Variants in RNF13 observed in about 807,000 individuals in gnomAD.
RNF13 encodes E3 ubiquitin-protein ligase RNF13.
Under a neutral mutation model 37.7 loss-of-function variants are expected in RNF13, and 19 were observed. The observed-to-expected ratio is 0.50, with a 90% CI of 0.35 to 0.74. The LOEUF (loss-of-function observed/expected upper bound fraction) is 0.74, where lower values mean the gene tolerates loss of function less well. RNF13 is among the 30% of genes least tolerant of loss of function. RNF13 has a pLI of 0.01. For synonymous variants in RNF13, 144 were observed against 157.8 expected (o/e 0.91, Z 0.65); for missense variants, 375 against 453.0 (o/e 0.83, Z 1.56).
intron 3 of RNF13, among the ~76,000 whole-genome samples, chr3:149,856,337 G>T (rs1463559924): frequency 1.3e-5 from 2 of 151,836 alleles, no homozygotes; most frequent in East Asian, 1.9e-4. Context: ...ATGAAGTGAG[G>T]TAGCTCACTA....
intron 8 of RNF13, among the ~76,000 whole-genome samples, chr3:149,933,735 G>A (rs1027684792): frequency 6.6e-6 from 1 of 151,266 alleles, no homozygotes; most frequent in Non-Finnish European, 1.5e-5. Flanking sequence ...AGGTACCCAC[G>A]ACCACGCCTG....
intron 8 of RNF13, among the ~76,000 whole-genome samples, chr3:149,948,229 G>A (rs1720967316): frequency 6.6e-6 from 1 of 152,182 alleles, no homozygotes; most frequent in South Asian, 2.1e-4. Flanking sequence ...CATTACAGGT[G>A]TGAGCCACCG....
At chr3:149,847,306 A>T (rs1722738386) in intron 2 of RNF13, among the ~76,000 whole-genome samples, 1 of 152,046 alleles carries the variant, frequency 6.6e-6, no homozygotes, top group African/African-American at 2.4e-5. Context: ...ACATGCCTAT[A>T]CTCTAGGTCT....
At chr3:149,907,962 C>CA (rs1716603475) in intron 6 of RNF13, among the ~76,000 whole-genome samples, 1 of 152,126 alleles carries the variant, frequency 6.6e-6, no homozygotes, top group East Asian at 1.9e-4. Context: ...GTTATGTTTC[C>CA]ACCAACATTT....
intron 4 of RNF13, among the ~76,000 whole-genome samples, chr3:149,884,670 G>T (rs1003411032): frequency 6.6e-6 from 1 of 151,784 alleles, no homozygotes; most frequent in Non-Finnish European, 1.5e-5. Flanking sequence ...GACATTTTTT[G>T]ATACAAACAT....
chr3:149,960,804 G>C lies in RNF13; in HGVS notation c.846G>C (p.Lys282Asn), dbSNP rs1347763481. 6.2e-7 allele frequency: 1 copy of C among 1,614,162 alleles called. No individual in the cohort carries two copies. Among genetic ancestry groups the C allele is most frequent in the East Asian group, 2.2e-5 (1 of 44,870 alleles). ...TKTKKTCPVC[K>N]QKVVPSQGDS... ...CCAAAAAAACCTGTCCAGTGTGCAA[G>C]CAAAAAGTTGTTCCTTCTCAAGGCG... Residue 282 changes from lysine (K) to asparagine (N), a missense_variant, in exon 10 of 10, where the codon AAG becomes AAC. Physicochemically the swap from Lys to Asn is moderately conservative, Grantham distance 94. Coordinates refer to ENST00000392894, the MANE Select transcript of RNF13 (RefSeq NM_183381.3).
chr3:149,954,078 T>C (rs183604272), intron 8 of RNF13, among the ~76,000 whole-genome samples: 2 of 152,336 alleles, frequency 1.3e-5, no homozygotes, highest in African/African-American at 2.4e-5. Flanking sequence ...GCTAGTTGTA[T>C]GTTTGTTTTA....
Position 149,903,051 on chromosome 3 carries a change from T to C in RNF13, c.500+889T>C, listed in dbSNP as rs73157003. On this transcript the variant is annotated intron_variant, in intron 6 of 9. Transcript: ENST00000392894. ...AGGGGGAAAAGAAATCCACGAATAT[T>C]TCTGTTTGAAAATGCATAAAAAGAA... 6.7e-3 allele frequency among the ~76,000 whole-genome samples: 1,027 copies of C among 152,248 alleles called. 12 individuals are homozygous for C. The highest frequency in any genetic ancestry group is 9.5e-3 in the Non-Finnish European group (646 of 67,976).
Position 149,909,222 on chromosome 3 carries a change from G to GA in RNF13, c.501-2749dup, listed in dbSNP as rs372337503. ...CATCCACTGTTAGCAATTTGGTTAA[G>GA]AAAAAAACAGTATCTTGAGTGTACA... On this transcript the variant is annotated intron_variant, in intron 6 of 9. Transcript: ENST00000392894. Among the ~76,000 whole-genome samples the GA allele has an allele frequency of 1.8e-3, 270 of 149,996 alleles. 1 individual carries two copies. Among genetic ancestry groups the GA allele is most frequent in the African/African-American group, 6.1e-3 (249 of 40,946 alleles).
intron 7 of RNF13, chr3:149,917,580 G>A (rs1224035595): frequency 3.3e-5 from 5 of 152,130 alleles, no homozygotes; most frequent in Non-Finnish European, 7.3e-5. Context: ...CCTCAGAAAC[G>A]TAGATATTCA....
chr3:149,923,142 TTAAAA>T (rs1166781755), intron 8 of RNF13, among the ~76,000 whole-genome samples: 1 of 152,222 alleles, frequency 6.6e-6, no homozygotes, highest in East Asian at 1.9e-4. Flanking sequence ...GAACATCATG[TTAAAA>T]TAAAGAAATG....
intron 1 of RNF13, chr3:149,822,666 T>C (rs1720101093): frequency 6.6e-6 from 1 of 152,158 alleles, no homozygotes; most frequent in Admixed American, 6.5e-5. Context: ...GGCTATTCCA[T>C]TTCTGGTATC....
chr3:149,884,543 A>G (rs1215333388), intron 4 of RNF13, among the ~76,000 whole-genome samples: 1 of 151,788 alleles, frequency 6.6e-6, no homozygotes, highest in Non-Finnish European at 1.5e-5. Flanking sequence ...GTATGCATGC[A>G]TATGCCATTC....
At chr3:149,909,999 G>T (rs942053344) in intron 6 of RNF13, among the ~76,000 whole-genome samples, 2 of 151,928 alleles carry the variant, frequency 1.3e-5, no homozygotes, top group Admixed American at 1.3e-4. Flanking sequence ...CTACTGCTGA[G>T]ATACTAAGTT....
chr3:149,939,032 C>T (rs1719988437), intron 8 of RNF13: 2 of 487,738 alleles, frequency 4.1e-6, no homozygotes, highest in Non-Finnish European at 4.0e-6. Flanking sequence ...GAATAACCTC[C>T]TGGTCAGTCA....
chr3:149,926,575 C>A (rs1282143687), intron 8 of RNF13, among the ~76,000 whole-genome samples: 1 of 152,140 alleles, frequency 6.6e-6, no homozygotes, highest in African/African-American at 2.4e-5. Flanking sequence ...ATATTACCTT[C>A]TGAAAGCTTT....
chr3:149,846,800 A>G (rs1722681479), intron 2 of RNF13, among the ~76,000 whole-genome samples: 3 of 152,218 alleles, frequency 2.0e-5, no homozygotes, highest in Non-Finnish European at 2.9e-5. Context: ...GTAAGATCTC[A>G]GTAGTATCTC....
At chr3:149,895,285 T>C in intron 4 of RNF13, 188 bp from the exon 5 acceptor site, 1 of 456,116 alleles carries the variant, frequency 2.2e-6, no homozygotes, top group Non-Finnish European at 3.9e-6. Flanking sequence ...GTCTGGTAAC[T>C]CCTAAGCCTG....
chr3:149,825,444 A>G (rs1454207295), intron 1 of RNF13, among the ~76,000 whole-genome samples: 1 of 152,122 alleles, frequency 6.6e-6, no homozygotes, highest in African/African-American at 2.4e-5. Context: ...GATTACAGGT[A>G]TGAGCCACCA....
Sources: allele counts gnomAD v4.1 joint callset (sites outside exome capture counted in the v4.1 genomes callset), GRCh38; gene constraint gnomAD v4.1.1; transcripts MANE v1.5; gene names NCBI Gene and HGNC (gene_info 2026-07-23, HGNC 2026-07-21).